Variants in TRPC6 observed in about 807,000 individuals in gnomAD.
TRPC6 encodes the protein short transient receptor potential channel 6.
Under a neutral mutation model 90.7 loss-of-function variants are expected in TRPC6, and 55 were observed. The ratio of observed to expected loss-of-function variants is 0.61; its 90% CI spans 0.49 to 0.76. TRPC6 has a LOEUF of 0.76. TRPC6 is among the 30% of genes least tolerant of loss of function. TRPC6 has a pLI of 0.00. For synonymous variants in TRPC6, 393 were observed against 393.0 expected (o/e 1.00, Z 0.00); for missense variants, 989 against 1,122.7 (o/e 0.88, Z 1.70).
chr11:101,581,922 C>T (rs1412318790), intron 1 of TRPC6, among the ~76,000 whole-genome samples: 1 of 152,136 alleles, frequency 6.6e-6, no homozygotes, highest in Non-Finnish European at 1.5e-5. Flanking sequence ...AAAGTCTGTA[C>T]TATGAGACAT....
At chr11:101,583,224 G>A in intron 1 of TRPC6, 110 bp downstream of exon 1, 1 of 1,474,498 alleles carries the variant, frequency 6.8e-7, no homozygotes, top group Non-Finnish European at 9.0e-7. Context: ...GTCCTAGGAG[G>A]TACACACGCG....
At chr11:101,557,043 T>C (rs1861577541) in intron 1 of TRPC6, among the ~76,000 whole-genome samples, 1 of 152,138 alleles carries the variant, frequency 6.6e-6, no homozygotes, top group Non-Finnish European at 1.5e-5. Context: ...AGATTACGTA[T>C]AGAAGAAAGG....
chr11:101,457,882 A>G (rs780479198), intron 10 of TRPC6, among the ~76,000 whole-genome samples: 13 of 152,344 alleles, frequency 8.5e-5, no homozygotes, highest in Admixed American at 2.0e-4. Flanking sequence ...AGAAAGATAA[A>G]TATCTACTAT....
rs535116253 is a variant in TRPC6, at chr11:101,494,652, T to C, written c.946-2914A>G. 8.9e-4 allele frequency among the ~76,000 whole-genome samples: 136 copies of C among 152,322 alleles called. 1 individual carries two copies. The South Asian group carries it at 0.014, about 16-fold the overall frequency. On this transcript the variant is annotated intron_variant, in intron 2 of 12. Transcript: ENST00000344327. ...CTAAGAAAGCTCAGATATATTTAGA[T>C]ATTTGAAAAGAAAGTATGATCTTTC...
rs377648039 is a variant in TRPC6, at chr11:101,456,417, A to C, written c.2485-1316T>G. Among the ~76,000 whole-genome samples the C allele has an allele frequency of 3.3e-5, 5 of 152,350 alleles. No individual in the cohort carries two copies. In the East Asian group the frequency reaches 7.7e-4, roughly 23 times the overall value. ...CTTTGAAACTATGATTTATGCCTTA[A>C]GAACATCATAAAAGGTGAAGACCAG... On this transcript the variant is annotated intron_variant, in intron 10 of 12. Coordinates refer to ENST00000344327, the MANE Select transcript of TRPC6 (RefSeq NM_004621.6).
intron 1 of TRPC6, among the ~76,000 whole-genome samples, chr11:101,544,635 A>T (rs1341614346): frequency 6.6e-6 from 1 of 152,160 alleles, no homozygotes; most frequent in East Asian, 1.9e-4. Flanking sequence ...CAGGAACAGA[A>T]AAACAAACAC....
At chr11:101,577,324 G>A (rs1057296363) in intron 1 of TRPC6, among the ~76,000 whole-genome samples, 5 of 66,084 alleles carry the variant, frequency 7.6e-5, no homozygotes, top group Admixed American at 1.4e-4. Flanking sequence ...AATATGTCTT[G>A]TTAAGAAAAT....
In TRPC6 at chr11:101,508,791, T is replaced by C. The variant is rs188066367; in HGVS notation, c.171-3993A>G. Among the ~76,000 whole-genome samples, 632 of 152,220 alleles carry C rather than the reference T, an allele frequency of 4.2e-3. 4 individuals carry two copies. The highest frequency in any genetic ancestry group is 6.1e-3 in the Non-Finnish European group (413 of 68,018). ...TGAGAACTTGCAAGATAAGTTCTCA[T>C]GTAACTAAAAAAATGACACAAAACT... On this transcript the variant is annotated intron_variant, in intron 1 of 12. Coordinates refer to ENST00000344327, the MANE Select transcript of TRPC6 (RefSeq NM_004621.6).
chr11:101,472,375 A>T, intron 7 of TRPC6, 43 bp from the exon 8 acceptor site: 1 of 1,559,372 alleles, frequency 6.4e-7, no homozygotes, highest in African/African-American at 1.4e-5. Context: ...GAAAGTGTAT[A>T]AATAAATAAC....
chr11:101,530,900 T>C (rs1226964929), intron 1 of TRPC6, among the ~76,000 whole-genome samples: 1 of 152,146 alleles, frequency 6.6e-6, no homozygotes. Flanking sequence ...ACTTATAATG[T>C]AGAATCTTGG....
intron 1 of TRPC6, among the ~76,000 whole-genome samples, chr11:101,524,706 TATG>T (rs1419618018): frequency 1.3e-5 from 2 of 152,242 alleles, no homozygotes; most frequent in African/African-American, 4.8e-5. Context: ...TAGTAGGTGG[TATG>T]ATATGTTTGT....
At chr11:101,556,353 T>C (rs886765709) in intron 1 of TRPC6, among the ~76,000 whole-genome samples, 4 of 151,608 alleles carry the variant, frequency 2.6e-5, no homozygotes, top group Non-Finnish European at 5.9e-5. Flanking sequence ...ATAATTCAAA[T>C]AAAATCAGAA....
intron 1 of TRPC6, among the ~76,000 whole-genome samples, chr11:101,532,988 G>C (rs1205710215): frequency 6.6e-6 from 1 of 152,162 alleles, no homozygotes; most frequent in African/African-American, 2.4e-5. Context: ...AGCTGGCTGA[G>C]CTGCATGGCT....
intron 1 of TRPC6, among the ~76,000 whole-genome samples, chr11:101,555,402 C>G (rs1777899688): frequency 2.0e-5 from 3 of 152,146 alleles, no homozygotes; most frequent in Admixed American, 2.0e-4. Context: ...CTTTTCCTGT[C>G]TAGGAAGGGT....
At chr11:101,506,987 C>T (rs1451994538) in intron 1 of TRPC6, among the ~76,000 whole-genome samples, 2 of 144,962 alleles carry the variant, frequency 1.4e-5, no homozygotes, top group African/African-American at 2.6e-5. Flanking sequence ...CATACCTTCA[C>T]GTATCTCTCT....
chr11:101,513,318 C>T (rs764436243), intron 1 of TRPC6, among the ~76,000 whole-genome samples: 4 of 152,194 alleles, frequency 2.6e-5, no homozygotes, highest in Non-Finnish European at 5.9e-5. Context: ...AGTCAGTGAA[C>T]AGTATGCAAA....
At chr11:101,566,972 C>T (rs2136877142) in intron 1 of TRPC6, among the ~76,000 whole-genome samples, 1 of 145,588 alleles carries the variant, frequency 6.9e-6, no homozygotes, top group Admixed American at 7.0e-5. Flanking sequence ...AAGCTAGCCA[C>T]GGGAGTTTTT....
chr11:101,453,517 T>G (rs1591518216), intron 12 of TRPC6, 133 bp downstream of exon 12: 308 of 873,632 alleles, frequency 3.5e-4, no homozygotes, highest in Non-Finnish European at 4.8e-4. Flanking sequence ...CGGCGGTTGG[T>G]GAGATCCTGT....
intron 1 of TRPC6, among the ~76,000 whole-genome samples, chr11:101,564,879 CAATAG>C (rs1227627042): frequency 4.0e-5 from 6 of 151,772 alleles, no homozygotes; most frequent in Non-Finnish European, 5.9e-5. Context: ...ACACATAGAT[CAATAG>C]AATAGAACAG....
Sources: allele counts gnomAD v4.1 joint callset (sites outside exome capture counted in the v4.1 genomes callset), GRCh38; gene constraint gnomAD v4.1.1; transcripts MANE v1.5; gene names NCBI Gene and HGNC (gene_info 2026-07-23, HGNC 2026-07-21).